EPHA5: variants seen among roughly 807,000 people sequenced by gnomAD.
The protein encoded by EPHA5 is EPH receptor A5, also known as ephrin type-A receptor 5.
EPHA5 carries 60 observed loss-of-function variants against 105.0 expected under a neutral mutation model. The ratio of observed to expected loss-of-function variants is 0.57; its 90% confidence interval spans 0.46 to 0.71. The LOEUF (loss-of-function observed/expected upper bound fraction) is 0.71, where lower values mean the gene tolerates loss of function less well. Ranked by LOEUF, EPHA5 falls within the 30% of genes least tolerant of loss-of-function variation. The probability of loss-of-function intolerance (pLI) is 0.00; values close to 1 mark genes in which losing one functional copy is unlikely to be tolerated. For synonymous variants in EPHA5, 513 were observed against 449.1 expected (o/e 1.14, Z -1.80); for missense variants, 1,218 against 1,274.7 (o/e 0.96, Z 0.68).
At chr4:65,636,459 G>A (rs1747128409) in intron 2 of EPHA5, among the ~76,000 whole-genome samples, 1 of 151,976 alleles carries the variant, frequency 6.6e-6, no homozygotes, top group Non-Finnish European at 1.5e-5. Context: ...GGATTGAAAT[G>A]GACTCAGTCT....
At chr4:65,511,119 T>C (rs1469777098) in intron 3 of EPHA5, among the ~76,000 whole-genome samples, 1 of 152,136 alleles carries the variant, frequency 6.6e-6, no homozygotes, top group Admixed American at 6.5e-5. Context: ...GGTCTTGGAC[T>C]TTCTAGACTC....
intron 6 of EPHA5, among the ~76,000 whole-genome samples, chr4:65,417,762 G>A (rs1012252310): frequency 2.0e-5 from 3 of 152,010 alleles, no homozygotes; most frequent in African/African-American, 7.2e-5. Context: ...ATATCACAAT[G>A]TGGATAAATA....
chr4:65,429,307 C>T (rs901828216), intron 5 of EPHA5, among the ~76,000 whole-genome samples: 1 of 151,864 alleles, frequency 6.6e-6, no homozygotes, highest in Non-Finnish European at 1.5e-5. Context: ...TTATCAATAT[C>T]AAACTTCCAT....
At chr4:65,473,884 G>GC (rs1729530346) in intron 5 of EPHA5, among the ~76,000 whole-genome samples, 1 of 22,366 alleles carries the variant, frequency 4.5e-5, no homozygotes, top group East Asian at 2.4e-3. Context: ...TTTTGTAAGG[G>GC]CTTTTTTTTT....
chr4:65,618,707 G>A (rs1283601705), intron 2 of EPHA5, among the ~76,000 whole-genome samples: 1 of 152,130 alleles, frequency 6.6e-6, no homozygotes. Context: ...TGGTGACAAA[G>A]TATAAACCTG....
At position 65,348,693 on chromosome 4, in the gene EPHA5, T is replaced by G; in HGVS notation, c.2446-490A>C. On this transcript the variant is annotated intron_variant, in intron 13 of 16. Coordinates refer to ENST00000613740, the MANE Select transcript of EPHA5 (RefSeq NM_001281766.3). The stretch of plus-strand genomic sequence containing the variant: ...ATATATATATATATATATATATATA[T>G]ATATAAAATATATATGTGTGTGTAT... Among the ~76,000 whole-genome samples, 3 of 59,408 alleles carry G rather than the reference T, an allele frequency of 5.0e-5. No homozygotes were observed. In the South Asian group the frequency reaches 1.6e-3, roughly 31 times the overall value. 39.0% of individuals were successfully genotyped at this position (59,408 alleles called of 152,430 possible).
intron 3 of EPHA5, among the ~76,000 whole-genome samples, chr4:65,576,954 A>C (rs1044984544): frequency 3.5e-4 from 53 of 152,144 alleles, no homozygotes; most frequent in Non-Finnish European, 6.6e-4. Context: ...TTTTCTCTCC[A>C]CATAGAGAAA....
In EPHA5 at chr4:65,321,297, TG is replaced by T. The variant is rs1719620121; in HGVS notation, c.*2816del. ...TTTGGTAGTCTGGTGGGTGACAAAA[TG>T]AATCAACAGAATAAGAAATTACACA... On this transcript the variant is annotated 3_prime_UTR_variant, in exon 17 of 17. Transcript: ENST00000613740. 4.3e-6 allele frequency: 1 copy of T among 230,236 alleles called. No homozygotes were observed. The highest frequency in any genetic ancestry group is 5.7e-5 in the Admixed American group (1 of 17,622). The allele number at this position is 230,236 out of a possible 1,614,324, so 14.3% of individuals were successfully genotyped here.
intron 5 of EPHA5, among the ~76,000 whole-genome samples, chr4:65,468,291 A>G (rs558490409): frequency 6.6e-6 from 1 of 151,844 alleles, no homozygotes; most frequent in South Asian, 2.1e-4. Flanking sequence ...AGCTTTTGAG[A>G]TGGTTTGTTA....
chr4:65,322,633 G>A lies in EPHA5; in HGVS notation c.*1481C>T, dbSNP rs931734694. 1.3e-5 allele frequency: 3 copies of A among 224,928 alleles called. No homozygotes were observed. In the Admixed American group the frequency reaches 1.7e-4, roughly 13 times the overall value. 13.9% of individuals were successfully genotyped at this position (224,928 alleles called of 1,614,324 possible). A position where few individuals can be genotyped will look rare whatever the true frequency, so the allele number is the denominator to read the frequency against. On this transcript the variant is annotated 3_prime_UTR_variant, in exon 17 of 17. Coordinates refer to ENST00000613740, the MANE Select transcript of EPHA5 (RefSeq NM_001281766.3). ...AAGTCTTCATCATGTGTGGTATATA[G>A]AGCATACATAGAAGATATGTTATAT...
At chr4:65,637,990 T>A (rs1335416865) in intron 2 of EPHA5, among the ~76,000 whole-genome samples, 2 of 146,432 alleles carry the variant, frequency 1.4e-5, no homozygotes, top group Non-Finnish European at 3.0e-5. Flanking sequence ...ATGTATCTGA[T>A]TATGAGGAAT....
At chr4:65,630,686 A>T (rs1014168349) in intron 2 of EPHA5, among the ~76,000 whole-genome samples, 1 of 152,132 alleles carries the variant, frequency 6.6e-6, no homozygotes, top group Non-Finnish European at 1.5e-5. Context: ...AGGTTGCCTC[A>T]AATTATTTCT....
chr4:65,458,928 C>A (rs1727867368), intron 5 of EPHA5, among the ~76,000 whole-genome samples: 1 of 151,982 alleles, frequency 6.6e-6, no homozygotes, highest in Non-Finnish European at 1.5e-5. Context: ...TAATATAAAT[C>A]AAAATATCTT....
intron 5 of EPHA5, among the ~76,000 whole-genome samples, chr4:65,436,338 A>G (rs972024272): frequency 1.3e-5 from 2 of 151,212 alleles, no homozygotes; most frequent in Admixed American, 1.3e-4. Flanking sequence ...CTACTAAAAT[A>G]GTGCTATAAA....
chr4:65,478,874 C>A (rs1293103509), intron 5 of EPHA5, among the ~76,000 whole-genome samples: 2 of 152,086 alleles, frequency 1.3e-5, no homozygotes, highest in Non-Finnish European at 2.9e-5. Context: ...TTTAAGAAAT[C>A]ATTAAAAATA....
intron 5 of EPHA5, among the ~76,000 whole-genome samples, chr4:65,431,397 GT>G (rs1219469038): frequency 2.0e-5 from 3 of 151,998 alleles, no homozygotes; most frequent in African/African-American, 7.2e-5. Context: ...ATAATAACTT[GT>G]AAAAAGTAAC....
intron 2 of EPHA5, among the ~76,000 whole-genome samples, chr4:65,610,300 GT>G (rs1476965574): frequency 6.6e-6 from 1 of 152,054 alleles, no homozygotes; most frequent in Non-Finnish European, 1.5e-5. Context: ...AATACTGCAT[GT>G]TCTCATTTAA....
intron 16 of EPHA5, among the ~76,000 whole-genome samples, chr4:65,329,598 G>A (rs1349964307): frequency 6.6e-6 from 1 of 151,210 alleles, no homozygotes; most frequent in South Asian, 2.1e-4. Flanking sequence ...AGTTATGAAT[G>A]TATTCTTCCA....
chr4:65,533,235 TA>T (rs934844610), intron 3 of EPHA5, among the ~76,000 whole-genome samples: 2 of 152,130 alleles, frequency 1.3e-5, no homozygotes, highest in Admixed American at 6.5e-5. Context: ...TAAGGAATGT[TA>T]AAAAAATTAA....
Sources: allele counts gnomAD v4.1 joint callset (sites outside exome capture counted in the v4.1 genomes callset), GRCh38; gene constraint gnomAD v4.1.1; transcripts MANE v1.5; gene names NCBI Gene and HGNC (gene_info 2026-07-23, HGNC 2026-07-21).